Variants in SLC16A1 observed in about 807,000 individuals in gnomAD.
The protein encoded by SLC16A1 is solute carrier family 16 member 1.
SLC16A1 carries 11 observed loss-of-function variants against 32.2 expected under a neutral mutation model. The observed-to-expected ratio is 0.34, with a 90% CI of 0.21 to 0.56. The LOEUF (loss-of-function observed/expected upper bound fraction) is 0.56. SLC16A1 is among the 20% of genes least tolerant of loss of function. The pLI is 0.87. For missense variants in SLC16A1, 435 were observed against 615.0 expected (o/e 0.71, Z 3.10); for synonymous variants, 231 against 226.8 (o/e 1.02, Z -0.17).
intron 1 of SLC16A1, among the ~76,000 whole-genome samples, chr1:112,942,252 G>A (rs1056990730): frequency 3.9e-5 from 6 of 152,204 alleles, no homozygotes; most frequent in Admixed American, 3.9e-4. Flanking sequence ...GATTACAGGC[G>A]TGAGCCACTG....
chr1:112,947,232 C>T (rs192517011), intron 1 of SLC16A1, among the ~76,000 whole-genome samples: 9 of 152,280 alleles, frequency 5.9e-5, no homozygotes, highest in Admixed American at 3.9e-4. Flanking sequence ...CTAAGTGGGC[C>T]ATTTAAATTT....
At chr1:112,944,077 G>A (rs1019506908) in intron 1 of SLC16A1, among the ~76,000 whole-genome samples, 2 of 152,188 alleles carry the variant, frequency 1.3e-5, no homozygotes, top group Non-Finnish European at 2.9e-5. Flanking sequence ...ATTGCTGGAG[G>A]TTGAGAAGGG....
chr1:112,924,303 T>C (rs1648855872), intron 2 of SLC16A1: 4 of 1,405,700 alleles, frequency 2.8e-6, no homozygotes, highest in Admixed American at 3.4e-5. Context: ...TAATCAAGCC[T>C]GGCAATTGGT....
intron 1 of SLC16A1, among the ~76,000 whole-genome samples, chr1:112,937,577 CT>C (rs1156367895): frequency 1.3e-5 from 2 of 151,868 alleles, no homozygotes; most frequent in African/African-American, 4.8e-5. Flanking sequence ...ATATTATTTC[CT>C]TTTTTAACTG....
chr1:112,937,153 A>G (rs1649335474), intron 1 of SLC16A1, among the ~76,000 whole-genome samples: 1 of 152,246 alleles, frequency 6.6e-6, no homozygotes, highest in South Asian at 2.1e-4. Context: ...ATTTACACAC[A>G]TAGAACACCC....
Position 112,934,297 on chromosome 1 carries a change from G to A in SLC16A1, c.-44-4945C>T, listed in dbSNP as rs565574424. ...GGGATGTTCAACTGCTTAAGTAACTGCAAATATTCCAAAATCTGAAAAAAT... is the reference window on the plus strand; with the variant it reads ...GGGATGTTCAACTGCTTAAGTAACTACAAATATTCCAAAATCTGAAAAAAT... On this transcript the variant is annotated intron_variant, in intron 1 of 4. Transcript: ENST00000369626. Among the ~76,000 whole-genome samples the A allele has an allele frequency of 3.9e-5, 6 of 152,244 alleles. No homozygotes were observed. The South Asian group carries it at 6.2e-4, about 16-fold the overall frequency.
intron 2 of SLC16A1, chr1:112,923,898 T>A (rs1181893508): frequency 6.6e-7 from 1 of 1,517,070 alleles, no homozygotes; most frequent in African/African-American, 1.4e-5. Flanking sequence ...AACGGAGCTC[T>A]TCCCCTGCCT....
intron 1 of SLC16A1, among the ~76,000 whole-genome samples, chr1:112,940,919 T>A (rs953264538): frequency 1.3e-5 from 2 of 152,212 alleles, no homozygotes; most frequent in Non-Finnish European, 1.5e-5. Flanking sequence ...ATGGTGGCCA[T>A]TATCCTAAGC....
At chr1:112,929,599 T>A (rs1472056613) in intron 1 of SLC16A1, among the ~76,000 whole-genome samples, 3 of 152,094 alleles carry the variant, frequency 2.0e-5, no homozygotes, top group Non-Finnish European at 4.4e-5. Flanking sequence ...TAGTCCCAGC[T>A]ACTCAGGAGG....
At chr1:112,951,044 G>T (rs1649874151) in intron 1 of SLC16A1, among the ~76,000 whole-genome samples, 1 of 151,406 alleles carries the variant, frequency 6.6e-6, no homozygotes, top group Non-Finnish European at 1.5e-5. Context: ...TATAAATTTA[G>T]AATGTATAAA....
At chr1:112,937,268 C>T (rs1377048283) in intron 1 of SLC16A1, among the ~76,000 whole-genome samples, 2 of 152,124 alleles carry the variant, frequency 1.3e-5, no homozygotes, top group Non-Finnish European at 1.5e-5. Flanking sequence ...TATGATTTGT[C>T]CCAATTAAGG....
chr1:112,922,109 T>C lies in SLC16A1; in HGVS notation c.242A>G (p.Asn81Ser), dbSNP rs1180619923. 1.2e-6 allele frequency: 2 copies of C among 1,614,172 alleles called. No individual in the cohort carries two copies. Among genetic ancestry groups the C allele is most frequent in the South Asian group, 2.2e-5 (2 of 91,084 alleles). The change falls in exon 3 of 5, where the codon AAT (asparagine) becomes AGT (serine). Residue 81 changes from asparagine to serine, a missense_variant. Asn to Ser is a conservative substitution (Grantham distance 46). This residue lies in a region of SLC16A1 where 324 missense variants were observed against 500.3 expected (regional missense o/e 0.65). Coordinates refer to ENST00000369626, the MANE Select transcript of SLC16A1 (RefSeq NM_003051.4). ...CATGACTATACGACTTCCATATTTATTCACCAGGATACTGCTGATAGGACC... is the reference window on the plus strand; with the variant it reads ...CATGACTATACGACTTCCATATTTACTCACCAGGATACTGCTGATAGGACC... ...GGGPISSILV[N>S]KYGSRIVMIV... is the part of the protein sequence containing the mutation.
chr1:112,924,906 A>G (rs1426441763), intron 2 of SLC16A1, among the ~76,000 whole-genome samples: 1 of 152,108 alleles, frequency 6.6e-6, no homozygotes, highest in African/African-American at 2.4e-5. Flanking sequence ...CCACCCAAAT[A>G]TATCCTTCAG....
Position 112,926,156 on chromosome 1 carries a change from G to A in SLC16A1, c.217+2936C>T, listed in dbSNP as rs1456388158. Among the ~76,000 whole-genome samples, 6 of 152,212 alleles carry A rather than the reference G, an allele frequency of 3.9e-5. No homozygotes were observed. In the South Asian group the frequency reaches 8.3e-4, roughly 21 times the overall value. On this transcript the variant is annotated intron_variant, in intron 2 of 4. Coordinates refer to ENST00000369626, the MANE Select transcript of SLC16A1 (RefSeq NM_003051.4). Reference sequence around the variant, plus strand: ...TGCTTTCACATGACACAGACAGAAGGTGCTCTCTTTCCATCTCCATCCATA... The same window carrying A: ...TGCTTTCACATGACACAGACAGAAGATGCTCTCTTTCCATCTCCATCCATA...
At chr1:112,923,935 C>A in intron 2 of SLC16A1, 1 of 1,519,054 alleles carries the variant, frequency 6.6e-7, no homozygotes, top group Non-Finnish European at 9.1e-7. Context: ...AGGTTCTATG[C>A]CTTCAACCCT....
chr1:112,922,731 C>T (rs574497947), intron 2 of SLC16A1, among the ~76,000 whole-genome samples: 68 of 151,900 alleles, frequency 4.5e-4, no homozygotes, highest in African/African-American at 1.6e-3. Context: ...GCCAAGATTG[C>T]GCCACTGCAC....
intron 3 of SLC16A1, among the ~76,000 whole-genome samples, chr1:112,921,215 TA>T (rs1388582228): frequency 1.3e-5 from 2 of 152,166 alleles, no homozygotes; most frequent in African/African-American, 4.8e-5. Flanking sequence ...AACTGGCAAT[TA>T]TTTTTTTAAA....
In SLC16A1 at chr1:112,917,627, T is replaced by C; in HGVS notation, c.779A>G (p.His260Arg). The change falls in exon 4 of 5, where the codon CAC becomes CGC. Residue 260 changes from histidine (H) to arginine (R), a missense_variant. His to Arg is a conservative substitution (Grantham distance 29). Coordinates refer to ENST00000369626, the MANE Select transcript of SLC16A1 (RefSeq NM_003051.4). This position sits in a 1 kb window ranked among gnomAD's most constrained non-coding sequence, Gnocchi z 4.1. Reference sequence around the variant, plus strand: ...AGAGAGGTATAGCAAAAAGCCTCTGTGGGTGAATAGGGTTAAGTCCAGGAA... The same window carrying C: ...AGAGAGGTATAGCAAAAAGCCTCTGCGGGTGAATAGGGTTAAGTCCAGGAA... ...NQFLDLTLFTHRGFLLYLSGN... is the reference protein window; with the variant it reads ...NQFLDLTLFTRRGFLLYLSGN... The C allele has an allele frequency of 6.2e-7, 1 of 1,614,218 alleles. No homozygotes were observed. Among genetic ancestry groups the C allele is most frequent in the Non-Finnish European group, 8.5e-7 (1 of 1,180,044 alleles).
Position 112,912,223 on chromosome 1 carries a change from C to T in SLC16A1, c.*1668G>A, listed in dbSNP as rs1485059066. 1 of 152,212 alleles carries T rather than the reference C, an allele frequency of 6.6e-6. No individual in the cohort carries two copies. The highest frequency in any genetic ancestry group is 2.4e-5 in the African/African-American group (1 of 41,468). 9.4% of individuals were successfully genotyped at this position (152,212 alleles called of 1,614,324 possible). ...AATTCAAATGAAAATAAATCATATA[C>T]ACAAATATCAAGGTTCAAAAGCTGG... On this transcript the variant is annotated 3_prime_UTR_variant, in exon 5 of 5. Transcript: ENST00000369626.
Sources: allele counts gnomAD v4.1 joint callset (sites outside exome capture counted in the v4.1 genomes callset), GRCh38; gene constraint gnomAD v4.1.1; regional missense constraint gnomAD v4.1.1; non-coding constraint Gnocchi (gnomAD v3.1); transcripts MANE v1.5; gene names NCBI Gene and HGNC (gene_info 2026-07-23, HGNC 2026-07-21).